EPHA7: variants seen among roughly 807,000 people sequenced by gnomAD.
EPHA7 encodes the protein ephrin type-A receptor 7.
Under a neutral mutation model 112.6 loss-of-function variants are expected in EPHA7, and 25 were observed. The observed-to-expected ratio is 0.22, with a 90% CI of 0.16 to 0.31. The LOEUF is 0.31. EPHA7 is among the 10% of genes least tolerant of loss of function. EPHA7 has a pLI of 1.00. For synonymous variants in EPHA7, 437 were observed against 406.5 expected (o/e 1.07, Z -0.90); for missense variants, 962 against 1,212.6 (o/e 0.79, Z 3.07).
intron 3 of EPHA7, among the ~76,000 whole-genome samples, chr6:93,386,110 A>T (rs1330522453): frequency 1.3e-5 from 2 of 152,044 alleles, no homozygotes; most frequent in Non-Finnish European, 2.9e-5. Context: ...CACCTCCCAA[A>T]TTTCATCCTT....
chr6:93,365,536 C>A (rs1011714524), intron 3 of EPHA7, among the ~76,000 whole-genome samples: 4 of 152,126 alleles, frequency 2.6e-5, no homozygotes, highest in African/African-American at 9.7e-5. Flanking sequence ...ATGGACAGAT[C>A]CAGAATCTGT....
Position 93,399,654 on chromosome 6 carries a change from T to C in EPHA7, c.832+10847A>G, listed in dbSNP as rs1319597437. Among the ~76,000 whole-genome samples the C allele has an allele frequency of 7.9e-5, 12 of 152,050 alleles. No individual in the cohort carries two copies. The Admixed American group carries it at 7.9e-4, about 10-fold the overall frequency. ...TGCTCCACTATGTTGACTTTTGTTT[T>C]CCCCTCTTGTTGGCTCTGTGTGTGT... On this transcript the variant is annotated intron_variant, in intron 3 of 16. Transcript: ENST00000369303.
At chr6:93,353,276 C>G (rs1411873566) in intron 5 of EPHA7, among the ~76,000 whole-genome samples, 1 of 151,872 alleles carries the variant, frequency 6.6e-6, no homozygotes, top group East Asian at 1.9e-4. Flanking sequence ...AACAAAACAA[C>G]AAGAACAAAA....
chr6:93,257,948 A>C, intron 11 of EPHA7, 151 bp downstream of exon 11: 1 of 711,644 alleles, frequency 1.4e-6, no homozygotes. Context: ...TGATAACATA[A>C]AGGAAGAATT....
intron 5 of EPHA7, among the ~76,000 whole-genome samples, chr6:93,283,715 TG>T (rs1025245595): frequency 2.0e-5 from 3 of 152,106 alleles, no homozygotes; most frequent in African/African-American, 7.2e-5. Context: ...AAACAAACTC[TG>T]GACACGCCAC....
intron 3 of EPHA7, among the ~76,000 whole-genome samples, chr6:93,373,205 T>C (rs941268321): frequency 6.6e-6 from 1 of 151,942 alleles, no homozygotes; most frequent in African/African-American, 2.4e-5. Flanking sequence ...CTTTATATTA[T>C]ATTTAATTTT....
intron 3 of EPHA7, among the ~76,000 whole-genome samples, chr6:93,380,980 T>C (rs1480998814): frequency 2.0e-5 from 3 of 152,198 alleles, no homozygotes; most frequent in African/African-American, 7.2e-5. Context: ...AGACGGTGAC[T>C]GCCTTGTTTC....
chr6:93,401,858 A>T (rs1467950158), intron 3 of EPHA7, among the ~76,000 whole-genome samples: 1 of 152,046 alleles, frequency 6.6e-6, no homozygotes, highest in Non-Finnish European at 1.5e-5. Context: ...AAATTCTCCC[A>T]TGAAAATATT....
intron 3 of EPHA7, among the ~76,000 whole-genome samples, chr6:93,406,719 A>G (rs1778739126): frequency 6.6e-6 from 1 of 151,732 alleles, no homozygotes; most frequent in Non-Finnish European, 1.5e-5. Context: ...AATCCAAGTT[A>G]TAATATCCAG....
In EPHA7 at chr6:93,381,492, G is replaced by C. The variant is rs185084162; in HGVS notation, c.833-23081C>G. On this transcript the variant is annotated intron_variant, in intron 3 of 16. Coordinates refer to ENST00000369303, the MANE Select transcript of EPHA7 (RefSeq NM_004440.4). ...TGGCCCTTAAAAACTAGGATTTTTT[G>C]AGTTATTCTATAGACCAAATAAGCT... Among the ~76,000 whole-genome samples, 94 of 152,026 alleles carry C rather than the reference G, an allele frequency of 6.2e-4. 1 individual carries two copies. The East Asian group carries it at 0.017, about 27-fold the overall frequency.
intron 6 of EPHA7, among the ~76,000 whole-genome samples, chr6:93,271,850 T>C (rs1391629676): frequency 2.6e-5 from 4 of 151,876 alleles, no homozygotes; most frequent in East Asian, 1.9e-4. Context: ...ATATTTATTA[T>C]ACAAAATATT....
chr6:93,258,951 C>T (rs1303146885), intron 10 of EPHA7, among the ~76,000 whole-genome samples: 2 of 151,470 alleles, frequency 1.3e-5, no homozygotes, highest in African/African-American at 4.8e-5. Context: ...ATGGCTAATA[C>T]CTACAAATAC....
At chr6:93,365,765 C>T (rs909380355) in intron 3 of EPHA7, among the ~76,000 whole-genome samples, 8 of 152,224 alleles carry the variant, frequency 5.3e-5, no homozygotes, top group African/African-American at 1.9e-4. Context: ...AGACAGCATG[C>T]AGAATATAAA....
At position 93,240,641 on chromosome 6, in the gene EPHA7, C is replaced by T. The variant is rs1386672483; in HGVS notation, c.*2785G>A. Reference sequence around the variant, plus strand: ...GAGGACAGTGTTCTAAAAAAGGTGGCTCTATTAAAGCAAGGAGGCCATTTC... The same window carrying T: ...GAGGACAGTGTTCTAAAAAAGGTGGTTCTATTAAAGCAAGGAGGCCATTTC... On this transcript the variant is annotated 3_prime_UTR_variant, in exon 17 of 17. Transcript: ENST00000369303. 1 of 215,152 alleles carries T rather than the reference C, an allele frequency of 4.6e-6. No homozygotes were observed. The highest frequency in any genetic ancestry group is 6.9e-5 in the East Asian group (1 of 14,458). The allele number at this position is 215,152 out of a possible 1,614,324, so 13.3% of individuals were successfully genotyped here. A position where few individuals can be genotyped will look rare whatever the true frequency, so the allele number is the denominator to read the frequency against.
intron 5 of EPHA7, among the ~76,000 whole-genome samples, chr6:93,340,383 T>C (rs1775082137): frequency 6.6e-6 from 1 of 151,834 alleles, no homozygotes; most frequent in African/African-American, 2.4e-5. Flanking sequence ...CACATCTTCA[T>C]TCTAGAAATA....
intron 5 of EPHA7, among the ~76,000 whole-genome samples, chr6:93,353,740 T>C (rs1775807196): frequency 6.6e-6 from 1 of 152,154 alleles, no homozygotes; most frequent in African/African-American, 2.4e-5. Flanking sequence ...TCCCCATTTT[T>C]TTTTTCATGA....
At chr6:93,329,776 G>A (rs1344760098) in intron 5 of EPHA7, among the ~76,000 whole-genome samples, 3 of 150,828 alleles carry the variant, frequency 2.0e-5, no homozygotes, top group Admixed American at 1.3e-4. Context: ...AGGAGACTGC[G>A]GCAGAACTGG....
chr6:93,259,247 G>A, intron 10 of EPHA7, 107 bp downstream of exon 10: 1 of 1,402,922 alleles, frequency 7.1e-7, no homozygotes, highest in Admixed American at 2.0e-5. Context: ...TCAGGTAAAT[G>A]CAAAAGTTCT....
intron 5 of EPHA7, among the ~76,000 whole-genome samples, chr6:93,338,761 T>C (rs1314252793): frequency 1.3e-5 from 2 of 151,642 alleles, no homozygotes; most frequent in Non-Finnish European, 2.9e-5. Context: ...TTTAAAATAA[T>C]TGTCTTCCAA....
Sources: gnomAD v4.1 joint callset for allele counts (sites outside exome capture counted in the v4.1 genomes callset) on GRCh38, gnomAD v4.1.1 for gene constraint, MANE v1.5 for transcripts, NCBI Gene and HGNC (gene_info 2026-07-23, HGNC 2026-07-21) for gene names.